PPP1CA: variants seen among roughly 807,000 people sequenced by gnomAD.
The protein encoded by PPP1CA is serine/threonine-protein phosphatase PP1-alpha catalytic subunit.
Under a neutral mutation model 38.5 loss-of-function variants are expected in PPP1CA, and 14 were observed. The ratio of observed to expected loss-of-function variants is 0.36; its 90% CI spans 0.24 to 0.57. The LOEUF is 0.57. Ranked by LOEUF, PPP1CA falls within the 20% of genes least tolerant of loss-of-function variation. The probability of loss-of-function intolerance (pLI) is 0.80; values close to 1 mark genes in which losing one functional copy is unlikely to be tolerated. For missense variants in PPP1CA, 277 were observed against 435.2 expected (o/e 0.64, Z 3.23); for synonymous variants, 200 against 177.3 (o/e 1.13, Z -1.02).
At chr11:67,401,430 C>A in intron 1 of PPP1CA, 2 of 709,946 alleles carry the variant, frequency 2.8e-6, no homozygotes, top group Non-Finnish European at 4.6e-6. Context: ...GGGCTGCCAC[C>A]AAAAACCTCA....
At chr11:67,400,567 G>T in intron 3 of PPP1CA, 122 bp downstream of exon 3, 2 of 994,808 alleles carry the variant, frequency 2.0e-6, no homozygotes, top group Non-Finnish European at 1.5e-6. Flanking sequence ...CCTGGGCCCC[G>T]CCTTCGTGGA....
chr11:67,398,347 G>A lies in PPP1CA; in HGVS notation c.*188C>T, dbSNP rs17884201. On this transcript the variant is annotated 3_prime_UTR_variant, in exon 7 of 7. Transcript: ENST00000376745. ...CTGCTCACAGTCACCGCAGGTGCAG[G>A]CAGGAAGCAGCCCTGGGGGACTGGA... The A allele has an allele frequency of 0.011, 6,832 of 636,738 alleles. 49 individuals are homozygous for A. Among genetic ancestry groups the A allele is most frequent in the Non-Finnish European group, 0.016 (5,854 of 377,050 alleles). The allele number at this position is 636,738 out of a possible 1,614,324, so 39.4% of individuals were successfully genotyped here. A position where few individuals can be genotyped will look rare whatever the true frequency, so the allele number is the denominator to read the frequency against.
At chr11:67,399,252 CCTCCTGGTCCCGCCACT>C in intron 4 of PPP1CA, 89 bp from the exon 5 acceptor site, 1 of 1,181,848 alleles carries the variant, frequency 8.5e-7, no homozygotes, top group South Asian at 1.4e-5. Flanking sequence ...TTCCCACCAC[CCTCCTGGTCCCGCCACT>C]GGTCTCCTGG....
At position 67,398,461 on chromosome 11, in the gene PPP1CA, A is replaced by ACC. The variant is rs5031044; in HGVS notation, c.*72_*73dup. On this transcript the variant is annotated 3_prime_UTR_variant, in exon 7 of 7. Coordinates refer to ENST00000376745, the MANE Select transcript of PPP1CA (RefSeq NM_002708.4). ...CAGGTGGGCCTGAGGGGTCGGGGTG[A>ACC]CCCCCCCCCAGCATGGCAGCATGAT... 1.0e-4 allele frequency: 138 copies of ACC among 1,377,886 alleles called. No homozygotes were observed. In the South Asian group the frequency reaches 1.4e-3, roughly 14 times the overall value. 85.4% of individuals were successfully genotyped at this position (1,377,886 alleles called of 1,614,324 possible).
At chr11:67,401,547 C>T (rs1862890721) in intron 1 of PPP1CA, 181 bp downstream of exon 1, 2 of 547,676 alleles carry the variant, frequency 3.7e-6, no homozygotes, top group South Asian at 3.9e-5. Flanking sequence ...AGCTGCTCCG[C>T]GCGTCGGAGC....
Position 67,398,868 on chromosome 11 carries a change from T to C in PPP1CA, c.748-12A>G, listed in dbSNP as rs374447283. 1.5e-4 allele frequency: 248 copies of C among 1,612,322 alleles called. No homozygotes were observed. Among genetic ancestry groups the C allele is most frequent in the Non-Finnish European group, 2.0e-4 (237 of 1,179,996 alleles). On this transcript the variant is annotated splice_polypyrimidine_tract_variant and intron_variant, in intron 5 of 6. Transcript: ENST00000376745. The stretch of plus-strand genomic sequence containing the variant: ...CCGTCTTCTACCACCTGGGCGAGGA[T>C]GGGAGCAGTCAGTCCCGAGCGCAGG...
intron 1 of PPP1CA, chr11:67,401,474 G>T: frequency 1.7e-6 from 1 of 599,740 alleles, no homozygotes; most frequent in Non-Finnish European, 2.8e-6. Context: ...CGGGCTTCCC[G>T]GGTTTCTCCC....
In PPP1CA at chr11:67,400,901, T is replaced by A; in HGVS notation, c.206A>T (p.Tyr69Phe). 6.2e-7 allele frequency: 1 copy of A among 1,614,092 alleles called. No homozygotes were observed. Among genetic ancestry groups the A allele is most frequent in the Non-Finnish European group, 8.5e-7 (1 of 1,180,016 alleles). The change falls in exon 3 of 7, where the codon TAC becomes TTC. Residue 69 changes from tyrosine to phenylalanine, a missense_variant. Tyr to Phe is a conservative substitution (Grantham distance 22, BLOSUM62 3). Transcript: ENST00000376745. ...CTCAAATAGTCGCAGAAGGTCGTAG[T>A]ACTGGCCGTGTATGTCACCTGTGAC... Reference protein sequence around the residue: ...LKICGDIHGQYYDLLRLFEYG... With the variant: ...LKICGDIHGQFYDLLRLFEYG...
intron 1 of PPP1CA, 185 bp downstream of exon 1, chr11:67,401,543 T>G: frequency 1.8e-6 from 1 of 550,560 alleles, no homozygotes; most frequent in East Asian, 3.3e-5. Flanking sequence ...GGGGAGCTGC[T>G]CCGCGCGTCG....
intron 1 of PPP1CA, 106 bp downstream of exon 1, chr11:67,401,622 T>G: frequency 9.6e-7 from 1 of 1,046,328 alleles, no homozygotes; most frequent in Non-Finnish European, 1.2e-6. Flanking sequence ...TCGCTGCCCG[T>G]CCCCGCCCAG....
rs1209297490 is a variant in PPP1CA, at chr11:67,398,797, A to C, written c.807T>G (p.Ala269=). Residue 269 remains alanine (A), a synonymous_variant, in exon 6 of 7, where the codon GCT becomes GCG. Coordinates refer to ENST00000376745, the MANE Select transcript of PPP1CA (RefSeq NM_002708.4). Reference sequence around the variant, plus strand: ...TGTCAAACTCGCCACAGTAGTTGGGAGCTGAGAAAAGTGTCACCAGCTGCC... The same window carrying C: ...TGTCAAACTCGCCACAGTAGTTGGGCGCTGAGAAAAGTGTCACCAGCTGCC... ...AKRQLVTLFS[A]PNYCGEFDNA... is the part of the protein sequence containing the mutation. 6.8e-6 allele frequency: 11 copies of C among 1,613,636 alleles called. No individual in the cohort carries two copies. The highest frequency in any genetic ancestry group is 2.7e-5 in the African/African-American group (2 of 74,866).
intron 3 of PPP1CA, among the ~76,000 whole-genome samples, chr11:67,400,334 C>T (rs946590936): frequency 1.3e-5 from 2 of 152,200 alleles, no homozygotes; most frequent in East Asian, 1.9e-4. Context: ...TGGCACTCCT[C>T]GCATGCCCCC....
chr11:67,399,438 G>T, intron 4 of PPP1CA, 123 bp downstream of exon 4: 1 of 870,392 alleles, frequency 1.1e-6, no homozygotes, highest in Non-Finnish European at 1.8e-6. Context: ...GTGCAGCCCA[G>T]CACAGTGGGG....
chr11:67,400,645 T>C (rs749060705), intron 3 of PPP1CA, 44 bp downstream of exon 3: 1 of 1,559,824 alleles, frequency 6.4e-7, no homozygotes, highest in East Asian at 2.2e-5. Context: ...TGGCAAAGAG[T>C]GCGGTTCAGG....
chr11:67,400,544 G>A (rs933193138), intron 3 of PPP1CA, 145 bp downstream of exon 3: 1 of 778,060 alleles, frequency 1.3e-6, no homozygotes, highest in Non-Finnish European at 2.1e-6. Context: ...GGCAGGGCAG[G>A]CACGAGAACG....
In PPP1CA at chr11:67,398,446, T is replaced by A; in HGVS notation, c.*89A>T. On this transcript the variant is annotated 3_prime_UTR_variant, in exon 7 of 7. Transcript: ENST00000376745. The stretch of plus-strand genomic sequence containing the variant: ...CCATGTTCCCCGTGACAGGTGGGCC[T>A]GAGGGGTCGGGGTGACCCCCCCCCA... 7.5e-7 allele frequency: 1 copy of A among 1,328,882 alleles called. No individual in the cohort carries two copies. 82.3% of individuals were successfully genotyped at this position (1,328,882 alleles called of 1,614,324 possible). A position where few individuals can be genotyped will look rare whatever the true frequency, so the allele number is the denominator to read the frequency against.
In PPP1CA at chr11:67,398,470, C is replaced by T; in HGVS notation, c.*65G>A. On this transcript the variant is annotated 3_prime_UTR_variant, in exon 7 of 7. Coordinates refer to ENST00000376745, the MANE Select transcript of PPP1CA (RefSeq NM_002708.4). The stretch of plus-strand genomic sequence containing the variant: ...CTGAGGGGTCGGGGTGACCCCCCCC[C>T]AGCATGGCAGCATGATTTCTGTACA... 1 of 1,525,464 alleles carries T rather than the reference C, an allele frequency of 6.6e-7. No individual in the cohort carries two copies. Among genetic ancestry groups the T allele is most frequent in the Middle Eastern group, 1.9e-4 (1 of 5,360 alleles). The allele number at this position is 1,525,464 out of a possible 1,614,324, so 94.5% of individuals were successfully genotyped here. A position where few individuals can be genotyped will look rare whatever the true frequency, so the allele number is the denominator to read the frequency against.
chr11:67,401,806 G>C lies in PPP1CA; in HGVS notation c.-24C>G, dbSNP rs771780202. On this transcript the variant is annotated 5_prime_UTR_variant, in exon 1 of 7. Transcript: ENST00000376745. ...ATGGCGGCGCCGCCGCTCCAGCCCAGCAGCTCCTGGCCCGCTCCTGCCTCC... is the reference window on the plus strand; with the variant it reads ...ATGGCGGCGCCGCCGCTCCAGCCCACCAGCTCCTGGCCCGCTCCTGCCTCC... The C allele has an allele frequency of 1.4e-6, 2 of 1,454,522 alleles. No homozygotes were observed. Among genetic ancestry groups the C allele is most frequent in the Admixed American group, 4.3e-5 (2 of 46,366 alleles). The allele number at this position is 1,454,522 out of a possible 1,614,324, so 90.1% of individuals were successfully genotyped here. A position where few individuals can be genotyped will look rare whatever the true frequency, so the allele number is the denominator to read the frequency against.
chr11:67,401,465 G>A (rs1211786618), intron 1 of PPP1CA: 5 of 607,854 alleles, frequency 8.2e-6, no homozygotes, highest in Non-Finnish European at 1.1e-5. Flanking sequence ...TTCCTGGACC[G>A]GGCTTCCCGG....
Sources: allele counts gnomAD v4.1 joint callset (sites outside exome capture counted in the v4.1 genomes callset), GRCh38; gene constraint gnomAD v4.1.1; transcripts MANE v1.5; gene names NCBI Gene and HGNC (gene_info 2026-07-23, HGNC 2026-07-21).